AQP1: variants seen among roughly 807,000 people sequenced by gnomAD.
AQP1 encodes aquaporin-1.
A neutral mutation model predicts 19.7 loss-of-function variants in AQP1; 11 were observed. That is an observed-to-expected ratio of 0.56 (90% CI 0.35 to 0.92). AQP1 has a LOEUF of 0.92. Among genes scored for constraint, AQP1 ranks in the 40% least tolerant of loss-of-function variants. AQP1 has a pLI of 0.01. For synonymous variants in AQP1, 159 were observed against 166.7 expected, an observed-to-expected ratio of 0.95 and a Z score of 0.36; for missense variants, 320 against 369.7, an observed-to-expected ratio of 0.87 and a Z score of 1.10.
At position 30,924,130 on chromosome 7, in the gene AQP1, C is replaced by A. The variant is rs953188499; in HGVS notation, c.*501C>A. The A allele has an allele frequency of 8.4e-6, 10 of 1,190,228 alleles. No individual in the cohort carries two copies. The highest frequency in any genetic ancestry group is 1.1e-5 in the Non-Finnish European group (10 of 942,650). The allele number at this position is 1,190,228 out of a possible 1,614,324, so 73.7% of individuals were successfully genotyped here. A position where few individuals can be genotyped will look rare whatever the true frequency, so the allele number is the denominator to read the frequency against. On this transcript the variant is annotated 3_prime_UTR_variant, in exon 4 of 4. Transcript: ENST00000311813. ...GTGGAGGGGGCAAGCTTTGCTCCTT[C>A]AGTTCTGCTTGCTCCCAAGCCCCTG...
chr7:30,913,635 G>A (rs752895245), intron 1 of AQP1, among the ~76,000 whole-genome samples: 5 of 152,184 alleles, frequency 3.3e-5, no homozygotes, highest in South Asian at 4.1e-4. Flanking sequence ...GTGAAGGTCT[G>A]GTGCAGAGGG....
At chr7:30,918,183 G>A (rs1172500671) in intron 1 of AQP1, among the ~76,000 whole-genome samples, 2 of 152,026 alleles carry the variant, frequency 1.3e-5, no homozygotes, top group African/African-American at 4.8e-5. Context: ...TAGTAGAGAC[G>A]GGGTTTAACC....
rs779877864 is a variant in AQP1 at position 30,923,980 on chromosome 7, C to A, written c.*351C>A. ...CGCCCCAAAGTTGCTCACCGACTCA[C>A]CTGCGCAAGTGCCTGGGATTCTACC... is the stretch of plus-strand genomic sequence containing the variant. On this transcript the variant is annotated 3_prime_UTR_variant, in exon 4 of 4. Transcript: ENST00000311813. This position sits in a 1 kb window ranked among gnomAD's most constrained non-coding sequence, Gnocchi z 4.8. The A allele has an allele frequency of 3.6e-6, 5 of 1,387,950 alleles. No homozygotes were observed. The highest frequency in any genetic ancestry group is 3.4e-5 in the South Asian group (3 of 87,184). 86.0% of individuals were successfully genotyped at this position (1,387,950 alleles called of 1,614,324 possible).
intron 1 of AQP1, among the ~76,000 whole-genome samples, chr7:30,917,434 T>C (rs566376331): frequency 7.5e-4 from 115 of 152,330 alleles, no homozygotes; most frequent in African/African-American, 2.6e-3. Flanking sequence ...GTCAGGAAGA[T>C]GAAATGGCTT....
At chr7:30,921,068 C>T (rs1791485517) in intron 1 of AQP1, among the ~76,000 whole-genome samples, 1 of 152,176 alleles carries the variant, frequency 6.6e-6, no homozygotes, top group Non-Finnish European at 1.5e-5. Flanking sequence ...ACCAGCCCTG[C>T]CTGGGAGAAG....
rs922322533 is a variant in AQP1, at chr7:30,915,579, G to A, written c.384+3286G>A. 2.0e-5 allele frequency among the ~76,000 whole-genome samples: 3 copies of A among 152,042 alleles called. No individual in the cohort carries two copies. In the South Asian group the frequency reaches 6.2e-4, roughly 32 times the overall value. On this transcript the variant is annotated intron_variant, in intron 1 of 3. Coordinates refer to ENST00000311813, the MANE Select transcript of AQP1 (RefSeq NM_198098.4). ...GGAGGGTGGTGAGGGCTCAGGATTC[G>A]GGCCAGGGGCTGCATCCGGGGGAAG...
chr7:30,919,767 C>T (rs1401375825), intron 1 of AQP1, among the ~76,000 whole-genome samples: 2 of 152,096 alleles, frequency 1.3e-5, no homozygotes, highest in Non-Finnish European at 2.9e-5. Flanking sequence ...TTCAACAGGC[C>T]TTTGAGTGCC....
Position 30,921,557 on chromosome 7 carries a change from C to A in AQP1, c.385-509C>A, listed in dbSNP as rs1379680781. On this transcript the variant is annotated intron_variant, in intron 1 of 3. Transcript: ENST00000311813. ...AGGGGTGGAGGGAGCCAGGACCTCA[C>A]CGAAGGCCTCCTCAGCCCTGGAATT... The A allele has an allele frequency of 1.3e-5, 20 of 1,541,474 alleles. No homozygotes were observed. The South Asian group carries it at 2.2e-4, about 17-fold the overall frequency.
chr7:30,913,331 A>T (rs1791218731), intron 1 of AQP1: 2 of 152,226 alleles, frequency 1.3e-5, no homozygotes, highest in Non-Finnish European at 1.5e-5. Context: ...ACAGCAGGGG[A>T]GGATTTGGCC....
At position 30,912,435 on chromosome 7, in the gene AQP1, G is replaced by C; in HGVS notation, c.384+142G>C. 1 of 1,260,530 alleles carries C rather than the reference G, an allele frequency of 7.9e-7. No homozygotes were observed. 78.1% of individuals were successfully genotyped at this position (1,260,530 alleles called of 1,614,324 possible). ...GCTGGAGGTCACGTAGAGAGCTGGGGGGAAGAGCTGGGGCTGGAACTCAGC... is the reference window on the plus strand; with the variant it reads ...GCTGGAGGTCACGTAGAGAGCTGGGCGGAAGAGCTGGGGCTGGAACTCAGC... On this transcript the variant is annotated intron_variant, in intron 1 of 3. Transcript: ENST00000311813. This position sits in a 1 kb window ranked among gnomAD's most constrained non-coding sequence, Gnocchi z 4.3.
intron 1 of AQP1, among the ~76,000 whole-genome samples, chr7:30,917,747 G>C (rs564989141): frequency 6.6e-6 from 1 of 152,188 alleles, no homozygotes; most frequent in African/African-American, 2.4e-5. Context: ...CAGGGGTACA[G>C]GGTTTTCATA....
chr7:30,914,145 C>T (rs1384693579), intron 1 of AQP1, among the ~76,000 whole-genome samples: 1 of 152,216 alleles, frequency 6.6e-6, no homozygotes, highest in Non-Finnish European at 1.5e-5. Context: ...CCTCCCGTGC[C>T]CCATTCCCTC....
At chr7:30,920,862 T>C (rs1791480305) in intron 1 of AQP1, among the ~76,000 whole-genome samples, 1 of 152,200 alleles carries the variant, frequency 6.6e-6, no homozygotes, top group South Asian at 2.1e-4. Flanking sequence ...AGTCATTCCC[T>C]GTAACCCAGG....
At position 30,912,004 on chromosome 7, in the gene AQP1, C is replaced by A. The variant is rs750104687; in HGVS notation, c.95C>A (p.Ala32Asp). The change falls in exon 1 of 4, where the codon GCC (alanine) becomes GAC (aspartate). Residue 32 changes from alanine to aspartate, a missense_variant. Coordinates refer to ENST00000311813, the MANE Select transcript of AQP1 (RefSeq NM_198098.4). The surrounding 1 kb of genome is among the most constrained non-coding windows in gnomAD (Gnocchi z 4.3). ...TTTGTCTTCATCAGCATCGGTTCTG[C>A]CCTGGGCTTCAAATACCCGGTGGGG... ...TLFVFISIGSALGFKYPVGNN... is the reference protein window; with the variant it reads ...TLFVFISIGSDLGFKYPVGNN... 6.2e-7 allele frequency: 1 copy of A among 1,613,518 alleles called. No homozygotes were observed. The highest frequency in any genetic ancestry group is 1.3e-5 in the African/African-American group (1 of 74,950).
At position 30,923,796 on chromosome 7, in the gene AQP1, CT is replaced by C; in HGVS notation, c.*170del. On this transcript the variant is annotated 3_prime_UTR_variant, in exon 4 of 4. Coordinates refer to ENST00000311813, the MANE Select transcript of AQP1 (RefSeq NM_198098.4). This position sits in a 1 kb window ranked among gnomAD's most constrained non-coding sequence, Gnocchi z 4.8. ...GCCTCTTATGGGGGTGTTTCTATCT[CT>C]TTCTTTCTCTTTCTGTTTCCTGGCC... The C allele has an allele frequency of 1.3e-6, 2 of 1,513,132 alleles. No homozygotes were observed. The highest frequency in any genetic ancestry group is 2.5e-5 in the East Asian group (1 of 40,500). 93.7% of individuals were successfully genotyped at this position (1,513,132 alleles called of 1,614,324 possible).
In AQP1 at chr7:30,923,671, G is replaced by T; in HGVS notation, c.*42G>T. On this transcript the variant is annotated 3_prime_UTR_variant, in exon 4 of 4. Transcript: ENST00000311813. The surrounding 1 kb of genome is among the most constrained non-coding windows in gnomAD (Gnocchi z 4.8). ...GCATCCACGTAGGGGGCAGGGGCAG[G>T]GGCGGGCGGAGGGAGGGGAGGGGTG... 6.4e-7 allele frequency: 1 copy of T among 1,564,816 alleles called. No individual in the cohort carries two copies. Among genetic ancestry groups the T allele is most frequent in the Non-Finnish European group, 8.6e-7 (1 of 1,156,112 alleles).
At chr7:30,921,333 G>A (rs893744647) in intron 1 of AQP1, 13 of 1,351,388 alleles carry the variant, frequency 9.6e-6, no homozygotes, top group South Asian at 4.6e-5. Context: ...GCAGCCAGAC[G>A]GTGGTGGCGG....
intron 1 of AQP1, among the ~76,000 whole-genome samples, chr7:30,917,639 C>T (rs1219248252): frequency 6.6e-6 from 1 of 152,184 alleles, no homozygotes; most frequent in Non-Finnish European, 1.5e-5. Context: ...ACCTCATGTC[C>T]TGCAGGGATG....
In AQP1 at chr7:30,922,072, G is replaced by A. The variant is rs747787357; in HGVS notation, c.391G>A (p.Asp131Asn). The A allele has an allele frequency of 9.3e-6, 15 of 1,613,842 alleles. No homozygotes were observed. Reference sequence around the variant, plus strand: ...CCACCTCTCTCCCCTGCAGCTGGCTGATGGTGTGAACTCGGGCCAGGGCCT... The same window carrying A: ...CCACCTCTCTCCCCTGCAGCTGGCTAATGGTGTGAACTCGGGCCAGGGCCT... ...GNSLGRNDLA[D>N]GVNSGQGLGI... The change falls in exon 2 of 4, where the codon GAT becomes AAT. Residue 131 changes from aspartate (D) to asparagine (N), a missense_variant. Physicochemically the swap from Asp to Asn is conservative, Grantham distance 23. Coordinates refer to ENST00000311813, the MANE Select transcript of AQP1 (RefSeq NM_198098.4).
Sources: gnomAD v4.1 joint callset for allele counts (sites outside exome capture counted in the v4.1 genomes callset) on GRCh38, gnomAD v4.1.1 for gene constraint, Gnocchi (gnomAD v3.1) non-coding constraint, MANE v1.5 for transcripts, NCBI Gene and HGNC (gene_info 2026-07-23, HGNC 2026-07-21) for gene names.